TEC: variants seen among roughly 807,000 people sequenced by gnomAD.
TEC encodes the protein tec protein tyrosine kinase.
TEC carries 72 observed loss-of-function variants against 93.0 expected under a neutral mutation model. That is an observed-to-expected ratio of 0.77 (90% CI 0.64 to 0.94). The LOEUF is 0.94. Ranked by LOEUF, TEC falls within the 40% of genes least tolerant of loss-of-function variation. TEC has a pLI of 0.00. For missense variants in TEC, 630 were observed against 757.9 expected, an observed-to-expected ratio of 0.83 and a Z score of 1.98; for synonymous variants, 249 against 247.7, an observed-to-expected ratio of 1.01 and a Z score of -0.05.
chr4:48,221,053 A>C lies in TEC; in HGVS notation c.138+7424T>G, dbSNP rs189342293. Among the ~76,000 whole-genome samples the C allele has an allele frequency of 8.0e-4, 122 of 152,356 alleles. 1 individual carries two copies. The South Asian group carries it at 0.013, about 17-fold the overall frequency. Reference sequence around the variant, plus strand: ...TTTGCTGGAACAGCTCACAGAACCCAGGGAAAGTGTACTTACTATTATCAA... The same window carrying C: ...TTTGCTGGAACAGCTCACAGAACCCCGGGAAAGTGTACTTACTATTATCAA... On this transcript the variant is annotated intron_variant, in intron 2 of 17. Coordinates refer to ENST00000381501, the MANE Select transcript of TEC (RefSeq NM_003215.3).
At chr4:48,162,673 C>T (rs1720720697) in intron 8 of TEC, among the ~76,000 whole-genome samples, 2 of 152,182 alleles carry the variant, frequency 1.3e-5, no homozygotes, top group African/African-American at 2.4e-5. Context: ...ATCCACTGAG[C>T]GCTGTGGCTT....
At chr4:48,262,766 G>T (rs1332725365) in intron 1 of TEC, among the ~76,000 whole-genome samples, 1 of 152,192 alleles carries the variant, frequency 6.6e-6, no homozygotes, top group Non-Finnish European at 1.5e-5. Context: ...TCACAATGGT[G>T]CCTAGTGGTA....
chr4:48,213,544 G>T (rs575620886), intron 2 of TEC, among the ~76,000 whole-genome samples: 24 of 152,236 alleles, frequency 1.6e-4, no homozygotes, highest in African/African-American at 5.8e-4. Context: ...TAATTGCTGA[G>T]TAACACAAGT....
At chr4:48,163,552 T>G (rs994871282) in intron 8 of TEC, 150 bp downstream of exon 8, 11 of 570,008 alleles carry the variant, frequency 1.9e-5, no homozygotes, top group Non-Finnish European at 3.4e-5. Context: ...TTCTCAGTCT[T>G]TTACCACATC....
At chr4:48,185,985 G>A (rs1389519786) in intron 2 of TEC, among the ~76,000 whole-genome samples, 1 of 152,174 alleles carries the variant, frequency 6.6e-6, no homozygotes, top group Non-Finnish European at 1.5e-5. Flanking sequence ...AGCCTGCGGA[G>A]TGCCTGGGAT....
intron 2 of TEC, among the ~76,000 whole-genome samples, chr4:48,191,414 T>C (rs1295691890): frequency 6.6e-6 from 1 of 152,202 alleles, no homozygotes. Context: ...CTTTTAAATA[T>C]TTCACTGGCA....
intron 2 of TEC, among the ~76,000 whole-genome samples, chr4:48,188,096 T>C (rs148687911): frequency 1.6e-3 from 242 of 152,244 alleles, no homozygotes; most frequent in African/African-American, 5.5e-3. Context: ...TTTCACACTA[T>C]CCTTCCTGTT....
chr4:48,187,455 A>C (rs193087754), intron 2 of TEC, among the ~76,000 whole-genome samples: 5,397 of 151,338 alleles, frequency 0.036, 329 homozygotes, highest in African/African-American at 0.12. Context: ...AAAAAAAGAA[A>C]TATGAAGGCA....
At chr4:48,171,593 T>C in intron 3 of TEC, 144 bp from the exon 4 acceptor site, 1 of 536,118 alleles carries the variant, frequency 1.9e-6, no homozygotes, top group East Asian at 3.1e-5. Flanking sequence ...AAAACCCAGG[T>C]TACTTTCTTA....
chr4:48,244,350 T>C (rs1412249254), intron 1 of TEC, among the ~76,000 whole-genome samples: 3 of 152,216 alleles, frequency 2.0e-5, no homozygotes, highest in South Asian at 2.1e-4. Flanking sequence ...CTCACAATCA[T>C]GGTGGAAGGC....
At chr4:48,189,617 C>G (rs549313048) in intron 2 of TEC, among the ~76,000 whole-genome samples, 29 of 152,214 alleles carry the variant, frequency 1.9e-4, no homozygotes, top group African/African-American at 7.0e-4. Flanking sequence ...AAATGTCTCA[C>G]TAGGAAATAA....
chr4:48,258,335 T>A (rs1724399458), intron 1 of TEC, among the ~76,000 whole-genome samples: 2 of 152,034 alleles, frequency 1.3e-5, no homozygotes, highest in Non-Finnish European at 2.9e-5. Context: ...AGAGACAAGG[T>A]TTCACCATGT....
At chr4:48,185,453 C>T (rs912110583) in intron 2 of TEC, among the ~76,000 whole-genome samples, 6 of 152,170 alleles carry the variant, frequency 3.9e-5, no homozygotes, top group Non-Finnish European at 8.8e-5. Flanking sequence ...GAGGCACTTC[C>T]AATTTGATGA....
chr4:48,192,684 T>C lies in TEC; in HGVS notation c.139-16498A>G, dbSNP rs150508337. 1.1e-3 allele frequency among the ~76,000 whole-genome samples: 170 copies of C among 152,166 alleles called. No homozygotes were observed. The Middle Eastern group carries it at 0.024, about 21-fold the overall frequency. On this transcript the variant is annotated intron_variant, in intron 2 of 17. Transcript: ENST00000381501. ...AAATGAGTAGAAAGATTAAGCAAAA[T>C]AACTCTGGTTTATAATGGGCCAGAA...
chr4:48,225,534 T>G (rs1011829889), intron 2 of TEC, among the ~76,000 whole-genome samples: 8 of 152,072 alleles, frequency 5.3e-5, no homozygotes, highest in African/African-American at 1.9e-4. Flanking sequence ...ATCAGAAGAT[T>G]GATCCACGGC....
rs34965891 is a variant in TEC at position 48,199,455 on chromosome 4, C to CTTTTTTTTTTTT, written c.139-23281_139-23270dup. ...CTGGGCTACAGAAAGGATTTTCTTT[C>CTTTTTTTTTTTT]TTTTTTTTTTTTTTTTTTTTTTTTT... is the stretch of plus-strand genomic sequence containing the variant. On this transcript the variant is annotated intron_variant, in intron 2 of 17. Coordinates refer to ENST00000381501, the MANE Select transcript of TEC (RefSeq NM_003215.3). 2.9e-3 allele frequency among the ~76,000 whole-genome samples: 193 copies of CTTTTTTTTTTTT among 67,362 alleles called. 12 individuals are homozygous for CTTTTTTTTTTTT. The highest frequency in any genetic ancestry group is 0.017 in the Middle Eastern group (1 of 60). 44.2% of individuals were successfully genotyped at this position (67,362 alleles called of 152,430 possible). A position where few individuals can be genotyped will look rare whatever the true frequency, so the allele number is the denominator to read the frequency against.
At chr4:48,197,587 C>T (rs183081832) in intron 2 of TEC, among the ~76,000 whole-genome samples, 4 of 152,212 alleles carry the variant, frequency 2.6e-5, no homozygotes, top group Admixed American at 6.5e-5. Flanking sequence ...ACCAGGAGGA[C>T]GAAAGACATT....
In TEC at chr4:48,149,583, A is replaced by C; in HGVS notation, c.980T>G (p.Ile327Ser). 1 of 1,611,246 alleles carries C rather than the reference A, an allele frequency of 6.2e-7. No homozygotes were observed. The highest frequency in any genetic ancestry group is 2.2e-5 in the East Asian group (1 of 44,666). Residue 327 changes from isoleucine (I) to serine (S), a missense_variant, in exon 11 of 18, where the codon ATT (isoleucine) becomes AGT (serine). Transcript: ENST00000381501. ...TGCTGCATTGTGCTTATGATATTCA[A>C]TAATCTCAGGAATGGAGCCAAAAGC... ...KHAFGSIPEI[I>S]EYHKHNAAGL...
chr4:48,225,159 C>A (rs1049622180), intron 2 of TEC, among the ~76,000 whole-genome samples: 13 of 151,928 alleles, frequency 8.6e-5, no homozygotes, highest in African/African-American at 2.7e-4. Context: ...CATGTCACAT[C>A]CTTTTTTTCT....
Sources: gnomAD v4.1 joint callset for allele counts (sites outside exome capture counted in the v4.1 genomes callset) on GRCh38, gnomAD v4.1.1 for gene constraint, MANE v1.5 for transcripts, NCBI Gene and HGNC (gene_info 2026-07-23, HGNC 2026-07-21) for gene names.